The following CRHR2 variants were observed in gnomAD, a reference collection of about 807,000 sequenced individuals.
The protein encoded by CRHR2 is corticotropin releasing hormone receptor 2.
A neutral mutation model predicts 57.9 loss-of-function variants in CRHR2; 53 were observed. The ratio of observed to expected loss-of-function variants is 0.92; its 90% CI spans 0.73 to 1.15. The LOEUF (loss-of-function observed/expected upper bound fraction) is 1.15. CRHR2 is among the 50% of genes most tolerant of loss of function. The pLI, the probability that CRHR2 is intolerant of heterozygous loss-of-function variation, is 0.00. For missense variants in CRHR2, 532 were observed against 542.6 expected (o/e 0.98, Z 0.19); for synonymous variants, 213 against 220.9 (o/e 0.96, Z 0.32).
At chr7:30,692,257 G>A (rs1784975669) in intron 1 of CRHR2, among the ~76,000 whole-genome samples, 1 of 152,162 alleles carries the variant, frequency 6.6e-6, no homozygotes, top group African/African-American at 2.4e-5. Flanking sequence ...CCCCTCATCG[G>A]GACTCCCAAG....
chr7:30,657,452 C>T (rs1375097720), intron 8 of CRHR2, among the ~76,000 whole-genome samples: 1 of 152,192 alleles, frequency 6.6e-6, no homozygotes, highest in Non-Finnish European at 1.5e-5. Context: ...ATTTCCAGCT[C>T]CTGGGTCTCT....
At chr7:30,684,119 T>G (rs1784807454), upstream of CRHR2, among the ~76,000 whole-genome samples, 1 of 152,208 alleles carries the variant, frequency 6.6e-6, no homozygotes. Context: ...GAGCCCAGGC[T>G]CAGCTCTGGG....
chr7:30,680,818 TTGTGTGTGTGTGTGTGTGTGTGTGTG>T, intron 2 of CRHR2, among the ~76,000 whole-genome samples: 2 of 145,482 alleles, frequency 1.4e-5, no homozygotes, highest in East Asian at 4.1e-4. Context: ...TTCTGAAAGC[TTGTGTGTGTGTGTGTGTGTGTGTGTG>T]TGTGTGTGTG....
At chr7:30,671,635 CAA>C (rs11305836) in intron 2 of CRHR2, among the ~76,000 whole-genome samples, 16,679 of 105,158 alleles carry the variant, frequency 0.16, 1,011 homozygotes, top group Non-Finnish European at 0.19. Context: ...CCCCATCTCT[CAA>C]AAAAAAAAAA....
rs1240583511 is a variant in CRHR2, at chr7:30,682,305, A to C, written c.-25T>G. The stretch of plus-strand genomic sequence containing the variant: ...TCGCGTCCCGCAGCCGCGTGCGGAG[A>C]GGGAGTGGGAGTGCGCGCCCGGCGT... On this transcript the variant is annotated 5_prime_UTR_variant, in exon 1 of 12. Coordinates refer to ENST00000471646, the MANE Select transcript of CRHR2 (RefSeq NM_001883.5). The C allele has an allele frequency of 6.5e-7, 1 of 1,529,210 alleles. No individual in the cohort carries two copies. Among genetic ancestry groups the C allele is most frequent in the Non-Finnish European group, 8.7e-7 (1 of 1,144,776 alleles). 94.7% of individuals were successfully genotyped at this position (1,529,210 alleles called of 1,614,324 possible). A position where few individuals can be genotyped will look rare whatever the true frequency, so the allele number is the denominator to read the frequency against.
chr7:30,692,176 G>A (rs1056884566), intron 1 of CRHR2, among the ~76,000 whole-genome samples: 14 of 152,206 alleles, frequency 9.2e-5, no homozygotes, highest in Non-Finnish European at 1.2e-4. Context: ...GAATGCGCAC[G>A]CTGAATGGTG....
chr7:30,676,579 C>G (rs1784523768), intron 2 of CRHR2, among the ~76,000 whole-genome samples: 1 of 152,218 alleles, frequency 6.6e-6, no homozygotes, highest in African/African-American at 2.4e-5. Flanking sequence ...CAGAAAGCCT[C>G]CCAGGAATGT....
Position 30,662,838 on chromosome 7 carries a change from G to T in CRHR2, c.553C>A (p.Arg185Ser), listed in dbSNP as rs61742161. ...TAGTTGAAGATGGTGGTGATGCAGC[G>T]GCACCAGACCTGTGTGCAGGGCAGA... ...EVHESNEVWC[R>S]CITTIFNYFV... Residue 185 changes from arginine to serine, a missense_variant, in exon 6 of 12, where the codon CGC (arginine) becomes AGC (serine). By Grantham distance (110) the Arg-to-Ser change is moderately radical. Transcript: ENST00000471646. 1 of 1,614,098 alleles carries T rather than the reference G, an allele frequency of 6.2e-7. No homozygotes were observed. The highest frequency in any genetic ancestry group is 8.5e-7 in the Non-Finnish European group (1 of 1,179,966).
chr7:30,692,172 G>A (rs113577090), intron 1 of CRHR2, among the ~76,000 whole-genome samples: 7 of 152,310 alleles, frequency 4.6e-5, no homozygotes, highest in East Asian at 1.9e-4. Context: ...CGTAGAATGC[G>A]CACGCTGAAT....
intron 3 of CRHR2, 81 bp downstream of exon 3, chr7:30,667,147 C>A: frequency 7.8e-7 from 1 of 1,283,796 alleles, no homozygotes; most frequent in Non-Finnish European, 1.1e-6. Flanking sequence ...ACTGGTCTGC[C>A]CCCCTTGGGA....
intron 1 of CRHR2, among the ~76,000 whole-genome samples, chr7:30,695,228 G>A (rs1269166084): frequency 6.6e-6 from 1 of 152,106 alleles, no homozygotes; most frequent in Non-Finnish European, 1.5e-5. Flanking sequence ...GTTCAGGCAG[G>A]CTCCTTGGAA....
chr7:30,670,063 G>A lies in CRHR2; in HGVS notation c.230-2750C>T, dbSNP rs75549534. Among the ~76,000 whole-genome samples, 173 of 152,018 alleles carry A rather than the reference G, an allele frequency of 1.1e-3. 1 individual carries two copies. Among genetic ancestry groups the A allele is most frequent in the Middle Eastern group, 3.4e-3 (1 of 294 alleles). ...TCTATCCCTTCCCTTCTCTTGTAAC[G>A]TAGTTTTTCCACTTTATTGCCCTTG... On this transcript the variant is annotated intron_variant, in intron 2 of 11. Coordinates refer to ENST00000471646, the MANE Select transcript of CRHR2 (RefSeq NM_001883.5).
intron 2 of CRHR2, 85 bp from the exon 3 acceptor site, chr7:30,667,398 T>TG: frequency 9.3e-7 from 1 of 1,079,912 alleles, no homozygotes; most frequent in Non-Finnish European, 1.4e-6. Flanking sequence ...CAGGATAAGG[T>TG]GTACGCACCT....
At chr7:30,668,665 C>G (rs891957833) in intron 2 of CRHR2, among the ~76,000 whole-genome samples, 1 of 152,168 alleles carries the variant, frequency 6.6e-6, no homozygotes, top group Admixed American at 6.5e-5. Flanking sequence ...GAGCACTTGC[C>G]GAAGAGCAAA....
At chr7:30,686,719 C>A, upstream of CRHR2, 1 of 409,786 alleles carries the variant, frequency 2.4e-6, no homozygotes, top group South Asian at 2.6e-5. Context: ...TAATATTTTT[C>A]AAATATATGT....
In CRHR2 at chr7:30,654,676, T is replaced by G. The variant is rs1302173033; in HGVS notation, c.1095+363A>C. On this transcript the variant is annotated intron_variant, in intron 11 of 11. Coordinates refer to ENST00000471646, the MANE Select transcript of CRHR2 (RefSeq NM_001883.5). ...CGGGGGAATGTGCTGGTCTCTCTTC[T>G]GCTCCCTGAGTCCATACAGACCTGA... 2.6e-6 allele frequency: 4 copies of G among 1,535,558 alleles called. No homozygotes were observed. The East Asian group carries it at 7.3e-5, about 28-fold the overall frequency.
At chr7:30,696,615 T>C (rs181733101) in intron 1 of CRHR2, among the ~76,000 whole-genome samples, 1 of 152,142 alleles carries the variant, frequency 6.6e-6, no homozygotes, top group African/African-American at 2.4e-5. Flanking sequence ...TCCTGGCTAC[T>C]CAGGAGGCTG....
chr7:30,669,326 C>T (rs1314238663), intron 2 of CRHR2, among the ~76,000 whole-genome samples: 1 of 152,184 alleles, frequency 6.6e-6, no homozygotes, highest in Non-Finnish European at 1.5e-5. Context: ...CACTCCAGCC[C>T]TTGCCCCATG....
chr7:30,686,827 G>C (rs1017150302), upstream of CRHR2, among the ~76,000 whole-genome samples: 4 of 152,146 alleles, frequency 2.6e-5, no homozygotes, highest in Non-Finnish European at 4.4e-5. Flanking sequence ...TTTTTCAGGG[G>C]CATACAATTG....
Sources: allele counts gnomAD v4.1 joint callset (sites outside exome capture counted in the v4.1 genomes callset), GRCh38; gene constraint gnomAD v4.1.1; transcripts MANE v1.5; gene names NCBI Gene and HGNC (gene_info 2026-07-23, HGNC 2026-07-21).